The following TEAD1 variants were observed in gnomAD, a reference collection of about 807,000 sequenced individuals.
The protein encoded by TEAD1 is transcriptional enhancer factor TEF-1.
In TEAD1, 9 loss-of-function variants were observed where a neutral mutation model predicts 54.9. That is an observed-to-expected ratio of 0.16 (90% CI 0.10 to 0.29). The LOEUF (loss-of-function observed/expected upper bound fraction) is 0.29. TEAD1 is among the 10% of genes least tolerant of loss of function. TEAD1 has a pLI of 1.00. For synonymous variants in TEAD1, 200 were observed against 187.8 expected, an observed-to-expected ratio of 1.07 and a Z score of -0.53; for missense variants, 387 against 535.9, an observed-to-expected ratio of 0.72 and a Z score of 2.74.
At chr11:12,678,210 GA>G (rs1323322806) in intron 2 of TEAD1, among the ~76,000 whole-genome samples, 3 of 152,224 alleles carry the variant, frequency 2.0e-5, no homozygotes, top group African/African-American at 7.2e-5. Context: ...AGAACTGCAA[GA>G]AAATGCAAGC....
intron 2 of TEAD1, among the ~76,000 whole-genome samples, chr11:12,708,028 T>C (rs1325324260): frequency 6.6e-6 from 1 of 152,190 alleles, no homozygotes; most frequent in African/African-American, 2.4e-5. Flanking sequence ...GTTGTTGAGA[T>C]CTGTGCTGTT....
chr11:12,755,818 G>A (rs1436511172), intron 2 of TEAD1, among the ~76,000 whole-genome samples: 4 of 152,146 alleles, frequency 2.6e-5, no homozygotes, highest in Non-Finnish European at 5.9e-5. Context: ...CTGAAACTGG[G>A]TCTGTGGCCT....
intron 3 of TEAD1, among the ~76,000 whole-genome samples, chr11:12,775,997 G>A (rs1266730907): frequency 1.3e-5 from 2 of 152,052 alleles, no homozygotes; most frequent in Non-Finnish European, 2.9e-5. Flanking sequence ...GGGAAGTTAC[G>A]GCAGGGTCAC....
At chr11:12,778,928 G>C (rs73423654) in intron 3 of TEAD1, among the ~76,000 whole-genome samples, 1 of 151,994 alleles carries the variant, frequency 6.6e-6, no homozygotes, top group African/African-American at 2.4e-5. Context: ...CCACTCCCCT[G>C]TTTACACTTT....
chr11:12,917,983 T>C lies in TEAD1; in HGVS notation c.874-6929T>C, dbSNP rs547601623. Among the ~76,000 whole-genome samples, 7 of 152,306 alleles carry C rather than the reference T, an allele frequency of 4.6e-5. No homozygotes were observed. In the South Asian group the frequency reaches 1.5e-3, roughly 32 times the overall value. On this transcript the variant is annotated intron_variant, in intron 10 of 12. Coordinates refer to ENST00000527636, the MANE Select transcript of TEAD1 (RefSeq NM_021961.6). ...TTTTCAACTGTTTCTTGGATTTTTG[T>C]TTTTATTTACTTTTAGAAAATATCC...
chr11:12,893,420 T>C (rs1411613235), intron 9 of TEAD1, among the ~76,000 whole-genome samples: 1 of 152,184 alleles, frequency 6.6e-6, no homozygotes, highest in East Asian at 1.9e-4. Context: ...GCAGACATTG[T>C]ACTGTGTTTC....
chr11:12,848,520 C>T (rs1292309345), intron 3 of TEAD1, among the ~76,000 whole-genome samples: 2 of 152,170 alleles, frequency 1.3e-5, no homozygotes, highest in Non-Finnish European at 1.5e-5. Context: ...GTTCAAATCC[C>T]GACTCCACTG....
Position 12,847,352 on chromosome 11 carries a change from CA to C in TEAD1, c.203-14896del, listed in dbSNP as rs1190514750. On this transcript the variant is annotated intron_variant, in intron 3 of 12. Coordinates refer to ENST00000527636, the MANE Select transcript of TEAD1 (RefSeq NM_021961.6). ...CAAAAACAGGCAGAATGTGGTGTAG[CA>C]AGCTTGTGCTAGCAGTGTGCACAAA... is the stretch of plus-strand genomic sequence containing the variant. 2.6e-5 allele frequency among the ~76,000 whole-genome samples: 4 copies of C among 152,274 alleles called. No homozygotes were observed. The East Asian group carries it at 7.7e-4, about 29-fold the overall frequency.
intron 3 of TEAD1, among the ~76,000 whole-genome samples, chr11:12,853,864 G>T (rs4757954): frequency 9.2e-5 from 14 of 152,186 alleles, no homozygotes; most frequent in Non-Finnish European, 1.3e-4. Flanking sequence ...GACACTCACT[G>T]GCAGGGATAT....
rs559781319 is a variant in TEAD1, at chr11:12,922,012, C to T, written c.874-2900C>T. ...GAAAGCTCACTACATTTATGGGTAA[C>T]ATAAAACCGGATAAGTACAAGTTAA... On this transcript the variant is annotated intron_variant, in intron 10 of 12. Transcript: ENST00000527636. Among the ~76,000 whole-genome samples, 7 of 152,236 alleles carry T rather than the reference C, an allele frequency of 4.6e-5. No individual in the cohort carries two copies. The South Asian group carries it at 1.5e-3, about 32-fold the overall frequency.
In TEAD1 at chr11:12,930,435, G is replaced by C; in HGVS notation, c.1167+109G>C. The C allele has an allele frequency of 2.2e-6, 3 of 1,388,312 alleles. No individual in the cohort carries two copies. In the South Asian group the frequency reaches 3.5e-5, roughly 16 times the overall value. 86.0% of individuals were successfully genotyped at this position (1,388,312 alleles called of 1,614,324 possible). ...GGGCCTGCGCCGAGGGAACTGACCA[G>C]GTTGTTGGATTGGGTTCCTAGTGGT... On this transcript the variant is annotated intron_variant, in intron 12 of 12. Transcript: ENST00000527636.
chr11:12,733,619 C>G (rs1364209695), intron 2 of TEAD1, among the ~76,000 whole-genome samples: 3 of 152,170 alleles, frequency 2.0e-5, no homozygotes, highest in Non-Finnish European at 2.9e-5. Flanking sequence ...TGCCTCCTGC[C>G]TGTGTGCATG....
chr11:12,728,486 T>G (rs188988744), intron 2 of TEAD1, among the ~76,000 whole-genome samples: 1 of 152,284 alleles, frequency 6.6e-6, no homozygotes, highest in Non-Finnish European at 1.5e-5. Context: ...CAGAGACAAT[T>G]CGGCAGCACT....
chr11:12,722,024 C>T (rs1244063279), intron 2 of TEAD1, among the ~76,000 whole-genome samples: 1 of 152,180 alleles, frequency 6.6e-6, no homozygotes, highest in African/African-American at 2.4e-5. Flanking sequence ...GGGTTGGTGC[C>T]AGTTGTCTGA....
intron 2 of TEAD1, among the ~76,000 whole-genome samples, chr11:12,677,346 A>G (rs1296531714): frequency 4.0e-5 from 6 of 150,010 alleles, no homozygotes; most frequent in African/African-American, 7.3e-5. Flanking sequence ...CTAATTACAC[A>G]TAAGGGCGGG....
At chr11:12,923,876 A>G (rs1030307011) in intron 10 of TEAD1, among the ~76,000 whole-genome samples, 3 of 152,168 alleles carry the variant, frequency 2.0e-5, no homozygotes, top group African/African-American at 7.2e-5. Context: ...TAAGCTTCCA[A>G]TGCATGAATT....
chr11:12,934,219 G>C (rs1340563936), intron 12 of TEAD1, among the ~76,000 whole-genome samples: 1 of 152,156 alleles, frequency 6.6e-6, no homozygotes, highest in African/African-American at 2.4e-5. Flanking sequence ...AAAAAATGAT[G>C]AGTTCATGTC....
At chr11:12,891,934 C>T (rs1418556211) in intron 9 of TEAD1, among the ~76,000 whole-genome samples, 2 of 152,140 alleles carry the variant, frequency 1.3e-5, no homozygotes, top group African/African-American at 4.8e-5. Context: ...GCCTGGTGTT[C>T]TGGCCCTTAT....
At chr11:12,894,767 C>G (rs1948275224) in intron 9 of TEAD1, among the ~76,000 whole-genome samples, 1 of 152,138 alleles carries the variant, frequency 6.6e-6, no homozygotes, top group Admixed American at 6.5e-5. Flanking sequence ...ATCAGAGGGA[C>G]CGTATTGATT....
Sources: allele counts gnomAD v4.1 joint callset (sites outside exome capture counted in the v4.1 genomes callset), GRCh38; gene constraint gnomAD v4.1.1; transcripts MANE v1.5; gene names NCBI Gene and HGNC (gene_info 2026-07-23, HGNC 2026-07-21).